Variants in LIMS4 observed in about 807,000 individuals in gnomAD.
LIMS4 encodes LIM and senescent cell antigen-like-containing domain protein 4.
At chr2:110,366,003 A>C in the LIMS4 span, among the ~76,000 whole-genome samples, 225 of 151,360 alleles carry the variant, frequency 1.5e-3, no homozygotes, top group Non-Finnish European at 2.8e-3. Flanking sequence ...CAGACTAATA[A>C]TGAGTTTTGA....
chr2:110,366,944 GAC>G, the LIMS4 span, among the ~76,000 whole-genome samples: 13,208 of 123,996 alleles, frequency 0.11, 201 homozygotes, highest in Middle Eastern at 0.16. Flanking sequence ...ATTCACAATA[GAC>G]ACACACACAC....
chr2:110,361,045 C>T, the LIMS4 span: 22 of 1,384,028 alleles, frequency 1.6e-5, 3 homozygotes, highest in East Asian at 4.2e-4. Flanking sequence ...CTCTGGGAGG[C>T]CTGAACTCCA....
chr2:110,361,710 G>A, the LIMS4 span: 1 of 643,190 alleles, frequency 1.6e-6, no homozygotes, highest in African/African-American at 2.4e-5. Flanking sequence ...GACACCTTCT[G>A]GTTTTCAATG....
the LIMS4 span, among the ~76,000 whole-genome samples, chr2:110,407,530 T>C: frequency 1.6e-4 from 16 of 99,854 alleles, no homozygotes; most frequent in Non-Finnish European, 2.6e-4. Flanking sequence ...CTAGCTTCTA[T>C]GCTGGGTATT....
At chr2:110,425,586 A>T in the LIMS4 span, among the ~76,000 whole-genome samples, 1 of 141,544 alleles carries the variant, frequency 7.1e-6, no homozygotes, top group Admixed American at 6.9e-5. Context: ...TCCTGGATTT[A>T]TCTGGGTTGG....
chr2:110,367,681 A>C, the LIMS4 span, among the ~76,000 whole-genome samples: 1 of 146,640 alleles, frequency 6.8e-6, no homozygotes, highest in South Asian at 2.1e-4. Flanking sequence ...GTTCAAGACC[A>C]GCCTGGGCAA....
the LIMS4 span, chr2:110,361,932 G>C: frequency 6.9e-7 from 1 of 1,441,430 alleles, no homozygotes; most frequent in Non-Finnish European, 9.7e-7. Context: ...CGAGACTTCA[G>C]AGCAGCCACA....
intron 8 of LIMS4, among the ~76,000 whole-genome samples, chr2:110,447,442 A>C (rs1320447655): frequency 6.5e-5 from 2 of 30,898 alleles, no homozygotes; most frequent in Admixed American, 6.1e-4. Context: ...GCATGCCACT[A>C]TACCTGGCTA....
intron 8 of LIMS4, among the ~76,000 whole-genome samples, chr2:110,448,573 T>C (rs1407039922): frequency 2.0e-5 from 3 of 152,318 alleles, no homozygotes; most frequent in Admixed American, 6.5e-5. Flanking sequence ...GGTCTTGAAC[T>C]CTTGACCTCA....
the LIMS4 span, among the ~76,000 whole-genome samples, chr2:110,371,707 C>G: frequency 7.0e-6 from 1 of 143,496 alleles, no homozygotes; most frequent in Non-Finnish European, 1.5e-5. Flanking sequence ...AAAGCAGCCC[C>G]TGATGCCAAA....
Sources: gnomAD v4.1 joint callset for allele counts (sites outside exome capture counted in the v4.1 genomes callset) on GRCh38, gnomAD v4.1.1 for gene constraint, MANE v1.5 for transcripts, NCBI Gene and HGNC (gene_info 2026-07-23, HGNC 2026-07-21) for gene names.